NCKAP5: variants seen among roughly 807,000 people sequenced by gnomAD.
NCKAP5 encodes the protein NCK associated protein 5.
Under a neutral mutation model 167.0 loss-of-function variants are expected in NCKAP5, and 92 were observed. The observed-to-expected ratio is 0.55, with a 90% CI of 0.47 to 0.66. The LOEUF (loss-of-function observed/expected upper bound fraction) is 0.66, where lower values mean the gene tolerates loss of function less well. Among genes scored for constraint, NCKAP5 ranks in the 30% least tolerant of loss-of-function variants. The probability of loss-of-function intolerance (pLI) is 0.00; values close to 1 mark genes in which losing one functional copy is unlikely to be tolerated. For missense variants in NCKAP5, 2,378 were observed against 2,315.0 expected (o/e 1.03, Z -0.56); for synonymous variants, 891 against 877.4 (o/e 1.02, Z -0.27).
intron 3 of NCKAP5, among the ~76,000 whole-genome samples, chr2:133,419,530 G>A (rs968409869): frequency 2.6e-5 from 4 of 152,162 alleles, no homozygotes; most frequent in African/African-American, 9.7e-5. Flanking sequence ...CCTACAGCTG[G>A]AGTTCCAATG....
intron 3 of NCKAP5, among the ~76,000 whole-genome samples, chr2:133,491,431 G>A (rs1681432238): frequency 6.6e-6 from 1 of 152,156 alleles, no homozygotes. Context: ...ACAATGTTGT[G>A]TGCAGAGAGG....
chr2:133,169,170 T>C (rs2084131618), intron 5 of NCKAP5, among the ~76,000 whole-genome samples: 1 of 152,212 alleles, frequency 6.6e-6, no homozygotes, highest in Non-Finnish European at 1.5e-5. Context: ...TCAGCAATCT[T>C]GTCTAACTAT....
At chr2:132,711,101 T>C (rs1279071391) in intron 19 of NCKAP5, among the ~76,000 whole-genome samples, 3 of 152,198 alleles carry the variant, frequency 2.0e-5, no homozygotes, top group Non-Finnish European at 4.4e-5. Flanking sequence ...AAACACTCTG[T>C]CCTCATGTTG....
intron 7 of NCKAP5, among the ~76,000 whole-genome samples, chr2:132,970,349 GA>G (rs1353489819): frequency 6.6e-6 from 1 of 152,136 alleles, no homozygotes; most frequent in Non-Finnish European, 1.5e-5. Context: ...TTTGTCTTAC[GA>G]ACCTCCAAAA....
intron 6 of NCKAP5, chr2:133,123,456 T>C (rs1476152849): frequency 4.9e-6 from 1 of 203,102 alleles, no homozygotes; most frequent in Non-Finnish European, 1.0e-5. Flanking sequence ...CTTCCATCTG[T>C]TGTAATTTGA....
At chr2:132,994,333 C>T in intron 6 of NCKAP5, 94 bp from the exon 7 acceptor site, 1 of 828,818 alleles carries the variant, frequency 1.2e-6, no homozygotes. Context: ...ATGCGTATTT[C>T]CCAAGCTTCA....
At chr2:132,724,659 A>C (rs1690271466) in intron 19 of NCKAP5, among the ~76,000 whole-genome samples, 1 of 152,142 alleles carries the variant, frequency 6.6e-6, no homozygotes, top group Non-Finnish European at 1.5e-5. Flanking sequence ...ACAACCAACT[A>C]AAACATCAGG....
At chr2:132,742,790 T>C (rs904326903) in intron 16 of NCKAP5, among the ~76,000 whole-genome samples, 1 of 151,944 alleles carries the variant, frequency 6.6e-6, no homozygotes, top group Non-Finnish European at 1.5e-5. Context: ...TTAATTATTA[T>C]AAGATAATCT....
chr2:132,888,611 G>C (rs1365195854), intron 8 of NCKAP5, among the ~76,000 whole-genome samples: 2 of 152,062 alleles, frequency 1.3e-5, no homozygotes, highest in African/African-American at 4.8e-5. Flanking sequence ...GCCTGGTCTT[G>C]AACTCCTGAC....
chr2:133,450,829 A>G (rs1325634118), intron 3 of NCKAP5, among the ~76,000 whole-genome samples: 1 of 152,224 alleles, frequency 6.6e-6, no homozygotes, highest in Non-Finnish European at 1.5e-5. Flanking sequence ...TGGTATTAGT[A>G]TCCAGACTAC....
At chr2:133,503,881 G>C (rs969421831) in intron 3 of NCKAP5, among the ~76,000 whole-genome samples, 1 of 152,190 alleles carries the variant, frequency 6.6e-6, no homozygotes, top group Admixed American at 6.5e-5. Flanking sequence ...AATCAGTCAA[G>C]AGTGAAGAAG....
chr2:132,787,553 C>A, intron 13 of NCKAP5, among the ~76,000 whole-genome samples: 1 of 152,140 alleles, frequency 6.6e-6, no homozygotes, highest in East Asian at 1.9e-4. Flanking sequence ...TTGCTCACAT[C>A]TATGGCATTT....
chr2:132,831,357 G>A (rs778019415), intron 11 of NCKAP5, among the ~76,000 whole-genome samples: 1 of 152,156 alleles, frequency 6.6e-6, no homozygotes, highest in Non-Finnish European at 1.5e-5. Context: ...TTAAATTTTT[G>A]TTATAAAGAG....
chr2:133,503,470 C>T (rs1216208811), intron 3 of NCKAP5, among the ~76,000 whole-genome samples: 1 of 152,280 alleles, frequency 6.6e-6, no homozygotes, highest in East Asian at 1.9e-4. Flanking sequence ...AGTAGCAGAG[C>T]TGGGTCTTTT....
At chr2:133,338,447 T>C (rs1191539445) in intron 3 of NCKAP5, among the ~76,000 whole-genome samples, 1 of 152,224 alleles carries the variant, frequency 6.6e-6, no homozygotes, top group Non-Finnish European at 1.5e-5. Context: ...ACCCCCATCT[T>C]ATAGTGCAGC....
chr2:133,325,437 ACTT>A (rs1164362293), intron 3 of NCKAP5, among the ~76,000 whole-genome samples: 2 of 152,166 alleles, frequency 1.3e-5, no homozygotes, highest in Non-Finnish European at 2.9e-5. Context: ...TAGTACAGGG[ACTT>A]TGTGATGTTT....
In NCKAP5 at chr2:133,421,582, G is replaced by A. The variant is rs553289240; in HGVS notation, c.69+95876C>T. Among the ~76,000 whole-genome samples the A allele has an allele frequency of 2.3e-4, 35 of 151,976 alleles. No homozygotes were observed. In the East Asian group the frequency reaches 5.2e-3, roughly 23 times the overall value. ...TACAAGTGGGCAGCCAGCAGAGAGC[G>A]TCTGGGATACAAGCCATCTCCAAGC... On this transcript the variant is annotated intron_variant, in intron 3 of 19. Transcript: ENST00000409261.
intron 3 of NCKAP5, among the ~76,000 whole-genome samples, chr2:133,510,216 A>ATCATGC (rs1420888202): frequency 6.6e-6 from 1 of 152,142 alleles, no homozygotes; most frequent in Non-Finnish European, 1.5e-5. Context: ...CTCAAGTCAT[A>ATCATGC]AACCCCACTG....
intron 6 of NCKAP5, among the ~76,000 whole-genome samples, chr2:133,124,291 T>A (rs1013969588): frequency 6.6e-6 from 1 of 152,200 alleles, no homozygotes; most frequent in Admixed American, 6.5e-5. Flanking sequence ...AGAGGTACAA[T>A]GACTGGTGTA....
Sources: gnomAD v4.1 joint callset for allele counts (sites outside exome capture counted in the v4.1 genomes callset) on GRCh38, gnomAD v4.1.1 for gene constraint, MANE v1.5 for transcripts, NCBI Gene and HGNC (gene_info 2026-07-23, HGNC 2026-07-21) for gene names.